The following AGTPBP1 variants were observed in gnomAD, a reference collection of about 807,000 sequenced individuals.
AGTPBP1 encodes ATP/GTP binding carboxypeptidase 1, also known as cytosolic carboxypeptidase 1.
Under a neutral mutation model 143.9 loss-of-function variants are expected in AGTPBP1, and 70 were observed. The observed-to-expected ratio is 0.49, with a 90% CI of 0.40 to 0.59. The LOEUF is 0.59. AGTPBP1 is among the 20% of genes least tolerant of loss of function. AGTPBP1 has a pLI of 0.00. For synonymous variants in AGTPBP1, 463 were observed against 500.2 expected (o/e 0.93, Z 0.99); for missense variants, 1,229 against 1,464.5 (o/e 0.84, Z 2.62).
In AGTPBP1 at chr9:85,560,794, C is replaced by CA. The variant is rs1826661063; in HGVS notation, c.3504-13509dup. On this transcript the variant is annotated intron_variant, in intron 25 of 25. Transcript: ENST00000357081. The stretch of plus-strand genomic sequence containing the variant: ...ACATCCAGAAGAAAGCACAGAGAGA[C>CA]AAAAGGATAGAAATTTATTCATAAG... Among the ~76,000 whole-genome samples, 3 of 151,824 alleles carry CA rather than the reference C, an allele frequency of 2.0e-5. No individual in the cohort carries two copies. In the South Asian group the frequency reaches 6.2e-4, roughly 31 times the overall value.
At chr9:85,726,680 T>C (rs1414009936) in intron 1 of AGTPBP1, among the ~76,000 whole-genome samples, 1 of 152,206 alleles carries the variant, frequency 6.6e-6, no homozygotes, top group Non-Finnish European at 1.5e-5. Context: ...ACTTTACAAA[T>C]ACAGCAATGG....
At chr9:85,689,033 C>T (rs926207200) in intron 3 of AGTPBP1, among the ~76,000 whole-genome samples, 5 of 152,106 alleles carry the variant, frequency 3.3e-5, no homozygotes, top group African/African-American at 1.2e-4. Flanking sequence ...TGAGACTATA[C>T]ACCTTTACAG....
chr9:85,764,703 T>G, the AGTPBP1 span: 1 of 1,126,262 alleles, frequency 8.9e-7, no homozygotes, highest in Non-Finnish European at 1.4e-6. Context: ...GGTTGTATCT[T>G]TTAGGCCTTA....
intron 17 of AGTPBP1, among the ~76,000 whole-genome samples, chr9:85,598,328 T>C (rs1829428484): frequency 6.6e-6 from 1 of 152,230 alleles, no homozygotes; most frequent in South Asian, 2.1e-4. Context: ...TCTGATTTCA[T>C]CTTGTTATTT....
At chr9:85,754,472 G>A in the AGTPBP1 span, among the ~76,000 whole-genome samples, 3 of 152,098 alleles carry the variant, frequency 2.0e-5, no homozygotes, top group Non-Finnish European at 2.9e-5. Flanking sequence ...GTGAGCCACC[G>A]CGCCCAGCCA....
At chr9:85,689,898 CAAAAA>C (rs1156931410) in intron 3 of AGTPBP1, among the ~76,000 whole-genome samples, 614 of 28,010 alleles carry the variant, frequency 0.022, no homozygotes, top group Non-Finnish European at 0.028. Context: ...GACTCTGCCT[CAAAAA>C]AAAAAAAAAA....
At chr9:85,738,025 CA>C (rs1402870488) in intron 1 of AGTPBP1, among the ~76,000 whole-genome samples, 1 of 152,058 alleles carries the variant, frequency 6.6e-6, no homozygotes, top group Non-Finnish European at 1.5e-5. Flanking sequence ...AAAAGTAAAA[CA>C]ATGCCACTTT....
the AGTPBP1 span, among the ~76,000 whole-genome samples, chr9:85,766,817 G>T: frequency 6.6e-6 from 1 of 152,112 alleles, no homozygotes; most frequent in Non-Finnish European, 1.5e-5. Context: ...GTGACACAAG[G>T]TATCAATAAA....
Position 85,633,046 on chromosome 9 carries a change from GA to G in AGTPBP1, c.1630del (p.Ser544LeufsTer11). ...LDRITLQNIP[S>X]QTAPGFTAEM... is the part of the protein sequence containing the mutation. Reference sequence around the variant, plus strand: ...TGCAGTAAAACCTGGGGCTGTTTGAGAAGGAATATTCTGCAATGTAATTCGG... The same window carrying G: ...TGCAGTAAAACCTGGGGCTGTTTGAGAGGAATATTCTGCAATGTAATTCGG... On this transcript the variant is annotated frameshift_variant, in exon 14 of 26. Transcript: ENST00000357081. LOFTEE classifies it high-confidence loss of function. 6.2e-7 allele frequency: 1 copy of G among 1,614,160 alleles called. No homozygotes were observed. Among genetic ancestry groups the G allele is most frequent in the Non-Finnish European group, 8.5e-7 (1 of 1,180,028 alleles).
intron 25 of AGTPBP1, among the ~76,000 whole-genome samples, chr9:85,573,260 C>T (rs753981933): frequency 6.6e-6 from 1 of 152,208 alleles, no homozygotes; most frequent in Non-Finnish European, 1.5e-5. Flanking sequence ...CGCGCCACCA[C>T]GCCTGACTGG....
intron 8 of AGTPBP1, 42 bp from the exon 9 acceptor site, chr9:85,661,015 T>TA: frequency 6.6e-7 from 1 of 1,524,844 alleles, no homozygotes; most frequent in Non-Finnish European, 8.9e-7. Context: ...ACAAAACTAG[T>TA]AAAATTAATC....
chr9:85,574,606 T>G (rs1827778338), intron 25 of AGTPBP1, among the ~76,000 whole-genome samples: 1 of 152,164 alleles, frequency 6.6e-6, no homozygotes, highest in Non-Finnish European at 1.5e-5. Flanking sequence ...TTCAAAGGAA[T>G]GCTAAATTAG....
chr9:85,712,865 A>G (rs1448356363), intron 1 of AGTPBP1, among the ~76,000 whole-genome samples: 1 of 152,194 alleles, frequency 6.6e-6, no homozygotes, highest in African/African-American at 2.4e-5. Flanking sequence ...GACAGTTCAA[A>G]TTATGCTTTC....
upstream of AGTPBP1, chr9:85,742,005 G>T (rs552189592): frequency 0.019 from 23,410 of 1,208,318 alleles, 266 homozygotes; most frequent in Middle Eastern, 0.032. Context: ...CGCACGCCTT[G>T]CCAGCCGGCT....
chr9:85,646,318 A>G lies in AGTPBP1; in HGVS notation c.1185+3T>C. 1.2e-6 allele frequency: 2 copies of G among 1,607,672 alleles called. No homozygotes were observed. Among genetic ancestry groups the G allele is most frequent in the Non-Finnish European group, 1.7e-6 (2 of 1,175,638 alleles). ...CTAACTAATTACAGAAATTTATACT[A>G]ACCTTAAAATTTTGATCTAGGTCAT... On this transcript the variant is annotated splice_donor_region_variant and intron_variant, in intron 12 of 25. Transcript: ENST00000357081.
intron 11 of AGTPBP1, among the ~76,000 whole-genome samples, chr9:85,652,155 T>C (rs1833201895): frequency 3.3e-5 from 5 of 152,092 alleles, no homozygotes; most frequent in Admixed American, 3.3e-4. Context: ...AATAGCCTTA[T>C]AATTAAGCAA....
chr9:85,750,851 G>A, the AGTPBP1 span, among the ~76,000 whole-genome samples: 2 of 152,158 alleles, frequency 1.3e-5, no homozygotes, highest in Admixed American at 6.5e-5. Flanking sequence ...CCCCTACTGA[G>A]GCTACTAGGC....
intron 17 of AGTPBP1, among the ~76,000 whole-genome samples, chr9:85,608,036 A>C (rs1830091625): frequency 6.6e-6 from 1 of 152,168 alleles, no homozygotes; most frequent in African/African-American, 2.4e-5. Context: ...AAATAAATTC[A>C]ATAAGTAGCA....
rs561351709 is a variant in AGTPBP1, at chr9:85,741,667, C to T, written c.-34+108G>A. 6.2e-5 allele frequency: 78 copies of T among 1,254,498 alleles called. 1 individual carries two copies. In the African/African-American group the frequency reaches 7.8e-4, roughly 12 times the overall value. The allele number at this position is 1,254,498 out of a possible 1,614,324, so 77.7% of individuals were successfully genotyped here. A position where few individuals can be genotyped will look rare whatever the true frequency, so the allele number is the denominator to read the frequency against. ...CCCGTCAGGTAAGGGGCGCAGGGAT[C>T]CGGGGTCGCCCCTCCTACCCCCGGG... On this transcript the variant is annotated intron_variant, in intron 1 of 25. Transcript: ENST00000357081.
Sources: allele counts gnomAD v4.1 joint callset (sites outside exome capture counted in the v4.1 genomes callset), GRCh38; gene constraint gnomAD v4.1.1; transcripts MANE v1.5; gene names NCBI Gene and HGNC (gene_info 2026-07-23, HGNC 2026-07-21).